Variants in CILP observed in about 807,000 individuals in gnomAD.
CILP encodes the protein cartilage intermediate layer protein, also known as cartilage intermediate layer protein 1.
CILP carries 75 observed loss-of-function variants against 82.5 expected under a neutral mutation model. That is an observed-to-expected ratio of 0.91 (90% confidence interval 0.75 to 1.10). The LOEUF (loss-of-function observed/expected upper bound fraction) is 1.10. Ranked by LOEUF, CILP falls within the 50% of genes least tolerant of loss-of-function variation. The probability of loss-of-function intolerance (pLI) is 0.00; values close to 1 mark genes in which losing one functional copy is unlikely to be tolerated. For synonymous variants in CILP, 530 were observed against 580.3 expected, an observed-to-expected ratio of 0.91 and a Z score of 1.25; for missense variants, 1,479 against 1,530.8, an observed-to-expected ratio of 0.97 and a Z score of 0.56.
chr15:65,197,080 G>A lies in CILP; in HGVS notation c.3206C>T (p.Pro1069Leu), dbSNP rs1231297065. ...GTAGATGCCATAGTTGTGGCCCAGT[G>A]GGTCCAAGGGTGCCAGCATGGTGTA... ...SEYTMLAPLDPLGHNYGIYTV... is the reference protein window; with the variant it reads ...SEYTMLAPLDLLGHNYGIYTV... The change falls in exon 9 of 9, where the codon CCA becomes CTA. Residue 1069 changes from proline (P) to leucine (L), a missense_variant. Physicochemically the swap from Pro to Leu is moderately conservative, Grantham distance 98. Coordinates refer to ENST00000261883, the MANE Select transcript of CILP (RefSeq NM_003613.4). The A allele has an allele frequency of 6.2e-7, 1 of 1,613,826 alleles. No homozygotes were observed. The highest frequency in any genetic ancestry group is 8.5e-7 in the Non-Finnish European group (1 of 1,179,952).
rs1041365615 is a variant in CILP at position 65,202,033 on chromosome 15, C to CA, written c.1029-5dup. On this transcript the variant is annotated splice_polypyrimidine_tract_variant and splice_region_variant and intron_variant, in intron 7 of 8. Coordinates refer to ENST00000261883, the MANE Select transcript of CILP (RefSeq NM_003613.4). ...CAGCAATGTGTCATTATGATACCTG[C>CA]AAGGGATGGAGAGGTAGAACCTGAA... is the stretch of plus-strand genomic sequence containing the variant. 6.4e-6 allele frequency: 10 copies of CA among 1,570,196 alleles called. No individual in the cohort carries two copies. Among genetic ancestry groups the CA allele is most frequent in the Non-Finnish European group, 8.6e-6 (10 of 1,158,522 alleles).
intron 1 of CILP, among the ~76,000 whole-genome samples, chr15:65,211,222 G>A (rs975909398): frequency 2.0e-5 from 3 of 152,128 alleles, no homozygotes; most frequent in African/African-American, 7.2e-5. Flanking sequence ...GTCCTCAGGT[G>A]GGGGAGGGAG....
rs1333879647 is a variant in CILP at position 65,209,109 on chromosome 15, G to A, written c.61+586C>T. On this transcript the variant is annotated intron_variant, in intron 2 of 8. Transcript: ENST00000261883. ...GAGGAGGTGGGAGAGAGTGTGCAGG[G>A]GAGGGCTGACGCTTAGATGCCTTGG... 5.3e-5 allele frequency among the ~76,000 whole-genome samples: 8 copies of A among 151,176 alleles called. No individual in the cohort carries two copies. The East Asian group carries it at 1.4e-3, about 26-fold the overall frequency.
chr15:65,200,717 T>G (rs1307822955), intron 8 of CILP, among the ~76,000 whole-genome samples: 1 of 152,218 alleles, frequency 6.6e-6, no homozygotes, highest in Non-Finnish European at 1.5e-5. Flanking sequence ...TAACCTTGGT[T>G]GCAAATTGGA....
chr15:65,203,637 T>A (rs1393919462), intron 6 of CILP, among the ~76,000 whole-genome samples, 167 bp from the exon 7 acceptor site: 1 of 152,028 alleles, frequency 6.6e-6, no homozygotes, highest in African/African-American at 2.4e-5. Flanking sequence ...CAGAGTGGAG[T>A]CTATCCTTCC....
chr15:65,198,776 G>A lies in CILP; in HGVS notation c.1510C>T (p.Pro504Ser). 5 of 1,614,170 alleles carry A rather than the reference G, an allele frequency of 3.1e-6. No homozygotes were observed. The South Asian group carries it at 4.4e-5, about 14-fold the overall frequency. ...ATGTACACATGGCCAAAGCGCATGG[G>A]CTCCCCATTGTCAGCAGCACTGACA... ...GRVSAADNGE[P>S]MRFGHVYMGN... is the part of the protein sequence containing the mutation. The change falls in exon 9 of 9, where the codon CCC (proline) becomes TCC (serine). Residue 504 changes from proline to serine, a missense_variant. Coordinates refer to ENST00000261883, the MANE Select transcript of CILP (RefSeq NM_003613.4).
rs531290271 is a variant in CILP at position 65,197,400 on chromosome 15, C to A, written c.2886G>T (p.Gly962=). ...RACYIKVKIV[G]PLEVNVRSRN... ...GGGATCGCACATTCACTTCCAGTGGCCCCACAATCTTCACCTTGATATAGC... is the reference window on the plus strand; with the variant it reads ...GGGATCGCACATTCACTTCCAGTGGACCCACAATCTTCACCTTGATATAGC... Residue 962 remains glycine (G), a synonymous_variant, in exon 9 of 9, where the codon GGG becomes GGT. Transcript: ENST00000261883. 69 of 1,614,234 alleles carry A rather than the reference C, an allele frequency of 4.3e-5. 1 individual carries two copies. The South Asian group carries it at 7.0e-4, about 16-fold the overall frequency.
chr15:65,204,163 G>A (rs558036034), intron 6 of CILP, 105 bp downstream of exon 6: 45 of 979,538 alleles, frequency 4.6e-5, no homozygotes, highest in Admixed American at 1.0e-4. Context: ...GTAAGGATTC[G>A]GGGTTTTACT....
chr15:65,202,160 C>T, intron 7 of CILP, 131 bp from the exon 8 acceptor site: 1 of 734,146 alleles, frequency 1.4e-6, no homozygotes, highest in South Asian at 2.3e-5. Flanking sequence ...TCACCTTTGA[C>T]TTGGCTCATC....
intron 8 of CILP, among the ~76,000 whole-genome samples, chr15:65,200,113 G>A (rs777873491): frequency 9.9e-5 from 15 of 152,110 alleles, no homozygotes; most frequent in African/African-American, 1.4e-4. Flanking sequence ...TTGTCTTCTC[G>A]TGTCAATGTG....
At position 65,206,900 on chromosome 15, in the gene CILP, C is replaced by T. The variant is rs370575358; in HGVS notation, c.306G>A (p.Ala102=). Residue 102 remains alanine, a synonymous_variant, in exon 4 of 9, where the codon GCG becomes GCA. Coordinates refer to ENST00000261883, the MANE Select transcript of CILP (RefSeq NM_003613.4). ...CATGGACCACCTGGCCAGTGCTGCC[C>T]GCAGGTGTCCAGTCAGTGGTCCGAG... ...LEARTTDWTP[A]GSTGQVVHGS... 36 of 1,613,748 alleles carry T rather than the reference C, an allele frequency of 2.2e-5. No individual in the cohort carries two copies. The highest frequency in any genetic ancestry group is 1.2e-4 in the South Asian group (11 of 91,080).
rs542219859 is a variant in CILP, at chr15:65,205,444, C to T, written c.447G>A (p.Glu149=). 4 of 1,610,956 alleles carry T rather than the reference C, an allele frequency of 2.5e-6. No homozygotes were observed. Among genetic ancestry groups the T allele is most frequent in the Non-Finnish European group, 2.5e-6 (3 of 1,177,534 alleles). Reference sequence around the variant, plus strand: ...AGGGAGACCATGGGCTCCAGATGCGCTCTGTGTCTCGGCGCAGGGATCCTG... The same window carrying T: ...AGGGAGACCATGGGCTCCAGATGCGTTCTGTGTCTCGGCGCAGGGATCCTG... ...CPPGSLRRDT[E]RIWSPWSPWS... is the part of the protein sequence containing the mutation. Residue 149 remains glutamate, a synonymous_variant, in exon 5 of 9, where the codon GAG becomes GAA. Transcript: ENST00000261883.
At chr15:65,207,150 C>T (rs2088527340) in intron 3 of CILP, 99 bp from the exon 4 acceptor site, 2 of 1,334,626 alleles carry the variant, frequency 1.5e-6, no homozygotes, top group African/African-American at 2.9e-5. Context: ...GGCCCTATCA[C>T]ATTTGTCTCT....
At position 65,197,352 on chromosome 15, in the gene CILP, C is replaced by T. The variant is rs149684578; in HGVS notation, c.2934G>A (p.Arg978=). 1.9e-5 allele frequency: 31 copies of T among 1,614,114 alleles called. No homozygotes were observed. The highest frequency in any genetic ancestry group is 2.4e-5 in the Non-Finnish European group (28 of 1,180,056). ...TTCCATACAGCTTCCCCACTGTCTG[C>T]CGATGAGTGCCCCCCATGTTGCGGG... ...VRSRNMGGTH[R]QTVGKLYGIR... is the part of the protein sequence containing the mutation. Residue 978 remains arginine (R), a synonymous_variant, in exon 9 of 9, where the codon CGG becomes CGA. Transcript: ENST00000261883.
intron 8 of CILP, among the ~76,000 whole-genome samples, 156 bp downstream of exon 8, chr15:65,201,716 G>A (rs377627736): frequency 2.3e-4 from 29 of 126,460 alleles, no homozygotes; most frequent in Non-Finnish European, 3.0e-4. Context: ...GTGACACAGC[G>A]AGACTCCATC....
rs993575192 is a variant in CILP, at chr15:65,195,306, C to T, written c.*1425G>A. The T allele has an allele frequency of 1.3e-5, 2 of 152,226 alleles. No individual in the cohort carries two copies. The highest frequency in any genetic ancestry group is 2.9e-5 in the Non-Finnish European group (2 of 68,094). 9.4% of individuals were successfully genotyped at this position (152,226 alleles called of 1,614,324 possible). On this transcript the variant is annotated 3_prime_UTR_variant, in exon 9 of 9. Transcript: ENST00000261883. ...TTGTCCTGATTGTAAACAGTGTCCT[C>T]TCTTCTCCCAAACCCTTTGGACTCT...
intron 6 of CILP, 39 bp from the exon 7 acceptor site, chr15:65,203,509 T>C (rs770287500): frequency 6.8e-7 from 1 of 1,467,764 alleles, no homozygotes; most frequent in Admixed American, 1.7e-5. Context: ...TGGGTTTTTG[T>C]GTGTGTGTGT....
In CILP at chr15:65,194,885, G is replaced by T. The variant is rs867518821; in HGVS notation, c.*1846C>A. 4.1e-4 allele frequency: 1 copy of T among 2,444 alleles called. No individual in the cohort carries two copies. The highest frequency in any genetic ancestry group is 7.5e-3 in the East Asian group (1 of 134). 0.2% of individuals were successfully genotyped at this position (2,444 alleles called of 1,614,324 possible). On this transcript the variant is annotated 3_prime_UTR_variant, in exon 9 of 9. Coordinates refer to ENST00000261883, the MANE Select transcript of CILP (RefSeq NM_003613.4). The stretch of plus-strand genomic sequence containing the variant: ...CCCCCCCGACCCTCCCCCTCCCCCC[G>T]TGAGTTTGAAGTGAACTGGTGGTCA...
intron 2 of CILP, among the ~76,000 whole-genome samples, chr15:65,208,944 C>T (rs1452692933): frequency 6.7e-6 from 1 of 149,762 alleles, no homozygotes; most frequent in African/African-American, 2.5e-5. Context: ...CAGGCTGAGA[C>T]AGCCTTTGTT....
Sources: allele counts gnomAD v4.1 joint callset (sites outside exome capture counted in the v4.1 genomes callset), GRCh38; gene constraint gnomAD v4.1.1; transcripts MANE v1.5; gene names NCBI Gene and HGNC (gene_info 2026-07-23, HGNC 2026-07-21).